Variants in MRAP2 observed in about 807,000 individuals in gnomAD.
The protein encoded by MRAP2 is melanocortin 2 receptor accessory protein 2.
Under a neutral mutation model 17.4 loss-of-function variants are expected in MRAP2, and 20 were observed. That is an observed-to-expected ratio of 1.15 (90% CI 0.81 to 1.67). The LOEUF is 1.67. Ranked by LOEUF, MRAP2 falls within the 40% of genes most tolerant of loss-of-function variation. The probability of loss-of-function intolerance (pLI) is 0.00; values close to 1 mark genes in which losing one functional copy is unlikely to be tolerated. For synonymous variants in MRAP2, 96 were observed against 88.4 expected (o/e 1.09, Z -0.48); for missense variants, 238 against 240.0 (o/e 0.99, Z 0.05).
chr6:84,116,181 A>C, the MRAP2 span, among the ~76,000 whole-genome samples: 5 of 152,092 alleles, frequency 3.3e-5, no homozygotes, highest in Non-Finnish European at 7.4e-5. Context: ...GAGTGGTGAG[A>C]GAGGGCATCC....
the MRAP2 span, among the ~76,000 whole-genome samples, chr6:84,134,091 G>T: frequency 6.6e-6 from 1 of 152,228 alleles, no homozygotes; most frequent in Non-Finnish European, 1.5e-5. Flanking sequence ...TTCCGGCTAT[G>T]GCGGCTTTGC....
the MRAP2 span, among the ~76,000 whole-genome samples, chr6:84,101,525 T>A: frequency 6.6e-6 from 1 of 152,232 alleles, no homozygotes; most frequent in African/African-American, 2.4e-5. Flanking sequence ...AGTTTAAGGC[T>A]TCAGGACAGT....
At chr6:84,040,499 TG>T (rs2099487255) in intron 1 of MRAP2, among the ~76,000 whole-genome samples, 1 of 151,980 alleles carries the variant, frequency 6.6e-6, no homozygotes, top group Admixed American at 6.6e-5. Context: ...GACAGGAAAA[TG>T]TGGGCAAGTT....
the MRAP2 span, among the ~76,000 whole-genome samples, chr6:84,105,472 T>C: frequency 6.6e-6 from 1 of 152,164 alleles, no homozygotes; most frequent in Non-Finnish European, 1.5e-5. Context: ...CTCATGAGAC[T>C]TATTCACTAT....
At chr6:84,099,856 C>T in the MRAP2 span, among the ~76,000 whole-genome samples, 1 of 150,108 alleles carries the variant, frequency 6.7e-6, no homozygotes, top group Non-Finnish European at 1.5e-5. Context: ...TTCTTCTTCT[C>T]TCTCTCTTTT....
At chr6:84,118,039 A>C in the MRAP2 span, among the ~76,000 whole-genome samples, 1 of 152,190 alleles carries the variant, frequency 6.6e-6, no homozygotes, top group Non-Finnish European at 1.5e-5. Flanking sequence ...TTCATCCCCC[A>C]ATCGATTTGG....
chr6:84,065,966 C>T (rs773940346), intron 3 of MRAP2, among the ~76,000 whole-genome samples: 1 of 151,936 alleles, frequency 6.6e-6, no homozygotes, highest in Non-Finnish European at 1.5e-5. Context: ...CCCAAAGTTA[C>T]ATGAGGCAAT....
At chr6:84,073,550 G>T (rs1467195023) in intron 3 of MRAP2, among the ~76,000 whole-genome samples, 2 of 152,158 alleles carry the variant, frequency 1.3e-5, no homozygotes, top group African/African-American at 2.4e-5. Flanking sequence ...GTGAGCCTCT[G>T]CACACTGCTC....
the MRAP2 span, among the ~76,000 whole-genome samples, chr6:84,133,870 T>C: frequency 6.6e-6 from 1 of 152,136 alleles, no homozygotes; most frequent in Admixed American, 6.5e-5. Flanking sequence ...GTACCCACTG[T>C]CCAACAAGCC....
the MRAP2 span, among the ~76,000 whole-genome samples, chr6:84,104,803 G>A: frequency 7.2e-5 from 11 of 152,248 alleles, no homozygotes; most frequent in South Asian, 1.0e-3. Flanking sequence ...AGGAGGCGGA[G>A]CTTGCAGTGA....
At position 84,037,860 on chromosome 6, in the gene MRAP2, A is replaced by T. The variant is rs187442267; in HGVS notation, c.-8+3977A>T. 2.5e-3 allele frequency among the ~76,000 whole-genome samples: 378 copies of T among 152,146 alleles called. 5 individuals carry two copies. Among genetic ancestry groups the T allele is most frequent in the African/African-American group, 8.6e-3 (358 of 41,524 alleles). ...CCCGCAAGCAGAGGGAGCCAGCTCC[A>T]GCCTCGGCCAGCCCAGAGAGGGGCT... On this transcript the variant is annotated intron_variant, in intron 1 of 3. Transcript: ENST00000257776.
At chr6:84,084,909 TTTTATTTA>T (rs778273352) in intron 3 of MRAP2, among the ~76,000 whole-genome samples, 3 of 108,568 alleles carry the variant, frequency 2.8e-5, no homozygotes, top group African/African-American at 1.2e-4. Context: ...TTTTATTTTA[TTTTATTTA>T]TTTATTTTAT....
At chr6:84,096,797 C>G in the MRAP2 span, among the ~76,000 whole-genome samples, 1 of 151,962 alleles carries the variant, frequency 6.6e-6, no homozygotes, top group South Asian at 2.1e-4. Context: ...CTTTTGTTGC[C>G]CCAAGCCAGT....
chr6:84,039,637 A>G (rs896929724), intron 1 of MRAP2, among the ~76,000 whole-genome samples: 3 of 152,232 alleles, frequency 2.0e-5, no homozygotes, highest in Non-Finnish European at 2.9e-5. Flanking sequence ...TTTTTGCCTC[A>G]CTAGAGAACG....
downstream of MRAP2, among the ~76,000 whole-genome samples, chr6:84,091,522 A>G (rs2099501789): frequency 6.6e-6 from 1 of 152,102 alleles, no homozygotes; most frequent in Non-Finnish European, 1.5e-5. Flanking sequence ...ATGAGCCACC[A>G]TGCCTGGCCA....
chr6:84,117,684 TG>T, the MRAP2 span, among the ~76,000 whole-genome samples: 1 of 150,732 alleles, frequency 6.6e-6, no homozygotes, highest in East Asian at 2.0e-4. Flanking sequence ...TGTGTGTGTG[TG>T]GTTGTTGTTG....
At chr6:84,051,682 C>A (rs770247852) in intron 1 of MRAP2, among the ~76,000 whole-genome samples, 1 of 152,140 alleles carries the variant, frequency 6.6e-6, no homozygotes, top group African/African-American at 2.4e-5. Context: ...GTGATCATAC[C>A]ATCGCATTCC....
intron 3 of MRAP2, among the ~76,000 whole-genome samples, chr6:84,081,992 A>G (rs2099499118): frequency 6.6e-6 from 1 of 152,180 alleles, no homozygotes; most frequent in African/African-American, 2.4e-5. Flanking sequence ...TCTTTTCTTT[A>G]TAAATTACCC....
At chr6:84,108,451 A>T in the MRAP2 span, among the ~76,000 whole-genome samples, 16,916 of 150,068 alleles carry the variant, frequency 0.11, 1,464 homozygotes, top group East Asian at 0.47. Context: ...TTTTTTTTTT[A>T]TATGTGTGCT....
Sources: gnomAD v4.1 joint callset for allele counts (sites outside exome capture counted in the v4.1 genomes callset) on GRCh38, gnomAD v4.1.1 for gene constraint, MANE v1.5 for transcripts, NCBI Gene and HGNC (gene_info 2026-07-23, HGNC 2026-07-21) for gene names.